Variants in AFF3 observed in about 807,000 individuals in gnomAD.
AFF3 encodes the protein AF4/FMR2 family member 3.
In AFF3, 32 loss-of-function variants were observed where a neutral mutation model predicts 129.7. The observed-to-expected ratio is 0.25, with a 90% CI of 0.19 to 0.33. The LOEUF is 0.33. AFF3 is among the 10% of genes least tolerant of loss of function. AFF3 has a pLI of 1.00. For synonymous variants in AFF3, 644 were observed against 635.4 expected (o/e 1.01, Z -0.20); for missense variants, 1,373 against 1,592.0 (o/e 0.86, Z 2.34).
At chr2:100,021,912 A>C (rs891473987) in intron 4 of AFF3, among the ~76,000 whole-genome samples, 1 of 152,208 alleles carries the variant, frequency 6.6e-6, no homozygotes, top group African/African-American at 2.4e-5. Flanking sequence ...ATATTATTTA[A>C]TGCTCATTAT....
chr2:99,948,587 C>T (rs952236121), intron 7 of AFF3, among the ~76,000 whole-genome samples: 2 of 152,154 alleles, frequency 1.3e-5, no homozygotes, highest in South Asian at 2.1e-4. Flanking sequence ...GGTGCTCTAA[C>T]TTAAATCAGC....
intron 11 of AFF3, among the ~76,000 whole-genome samples, chr2:99,689,391 T>G (rs765259786): frequency 2.0e-5 from 3 of 152,150 alleles, no homozygotes; most frequent in African/African-American, 4.8e-5. Flanking sequence ...CCTTCCTGCC[T>G]GATGCCCTTC....
intron 10 of AFF3, among the ~76,000 whole-genome samples, chr2:99,740,739 G>A (rs4602264): frequency 0.72 from 105,110 of 145,140 alleles, 38,743 homozygotes; most frequent in East Asian, 0.91. Context: ...AGTAGGTTGT[G>A]AAAATTTTCT....
At chr2:99,567,451 T>C (rs1676078433) in intron 19 of AFF3, among the ~76,000 whole-genome samples, 1 of 152,128 alleles carries the variant, frequency 6.6e-6, no homozygotes, top group Non-Finnish European at 1.5e-5. Flanking sequence ...CAGTTCAAAG[T>C]GCAAGGCAGT....
Position 99,959,170 on chromosome 2 carries a change from A to C in AFF3, c.873+47462T>G, listed in dbSNP as rs535996114. Among the ~76,000 whole-genome samples, 25 of 152,176 alleles carry C rather than the reference A, an allele frequency of 1.6e-4. 1 individual carries two copies. In the South Asian group the frequency reaches 5.0e-3, roughly 30 times the overall value. On this transcript the variant is annotated intron_variant, in intron 7 of 24. Coordinates refer to ENST00000672756, the MANE Select transcript of AFF3 (RefSeq NM_001386135.1). ...AAAGACCAAATGCTCTTAGGGAAGA[A>C]AAAGGAGGTAGCAATTTAATCAGCT...
At chr2:100,022,826 G>C (rs944633791) in intron 4 of AFF3, among the ~76,000 whole-genome samples, 2 of 151,580 alleles carry the variant, frequency 1.3e-5, no homozygotes, top group Non-Finnish European at 2.9e-5. Context: ...AATGTGAAGA[G>C]AGCCCATGAA....
chr2:99,962,505 C>A (rs1677324613), intron 7 of AFF3, among the ~76,000 whole-genome samples: 1 of 152,132 alleles, frequency 6.6e-6, no homozygotes, highest in Admixed American at 6.5e-5. Context: ...AATACTTCAA[C>A]AATGAACTAT....
intron 4 of AFF3, among the ~76,000 whole-genome samples, chr2:100,009,867 C>A (rs990070818): frequency 1.3e-5 from 2 of 152,144 alleles, no homozygotes; most frequent in Admixed American, 6.5e-5. Flanking sequence ...CCAACACTAC[C>A]AATCAAAAAG....
At chr2:99,573,227 C>A (rs780474836) in intron 18 of AFF3, among the ~76,000 whole-genome samples, 1 of 152,042 alleles carries the variant, frequency 6.6e-6, no homozygotes, top group Non-Finnish European at 1.5e-5. Context: ...CGCACCCTGT[C>A]CCCCGCACCC....
chr2:99,855,538 A>C (rs1005987439), intron 7 of AFF3, among the ~76,000 whole-genome samples: 2 of 152,210 alleles, frequency 1.3e-5, no homozygotes, highest in African/African-American at 4.8e-5. Context: ...CTAATGGCTA[A>C]AGCTAGAACA....
intron 2 of AFF3, chr2:100,106,676 C>T: frequency 1.0e-6 from 1 of 986,234 alleles, no homozygotes; most frequent in Non-Finnish European, 1.2e-6. Flanking sequence ...TGGGAAGCTT[C>T]TTCAGAAAGG....
Position 99,660,669 on chromosome 2 carries a change from T to A in AFF3, c.1144-11003A>T, listed in dbSNP as rs576185676. Among the ~76,000 whole-genome samples the A allele has an allele frequency of 2.6e-5, 4 of 152,360 alleles. No individual in the cohort carries two copies. In the South Asian group the frequency reaches 8.3e-4, roughly 32 times the overall value. ...GAGGTACTCAGAGAAATAATGTGAA[T>A]CAGATCTCTCCAGAGAATCAGATCT... On this transcript the variant is annotated intron_variant, in intron 12 of 24. Coordinates refer to ENST00000672756, the MANE Select transcript of AFF3 (RefSeq NM_001386135.1).
At chr2:100,112,236 T>C (rs1417460422) in intron 2 of AFF3, 1 of 152,200 alleles carries the variant, frequency 6.6e-6, no homozygotes, top group African/African-American at 2.4e-5. Flanking sequence ...CACATGGCCA[T>C]GGAGATGAGA....
intron 8 of AFF3, among the ~76,000 whole-genome samples, chr2:99,800,467 G>A (rs192404283): frequency 6.6e-6 from 1 of 152,298 alleles, no homozygotes; most frequent in African/African-American, 2.4e-5. Flanking sequence ...TGGTAGAGAT[G>A]TAAAATGATA....
At chr2:99,891,873 AGT>A (rs2106086113) in intron 7 of AFF3, among the ~76,000 whole-genome samples, 1 of 151,054 alleles carries the variant, frequency 6.6e-6, no homozygotes, top group Non-Finnish European at 1.5e-5. Flanking sequence ...CCCAGGCTGG[AGT>A]GCACTGGCAT....
rs940814642 is a variant in AFF3 at position 99,546,429 on chromosome 2, C to T, written c.*5045G>A. On this transcript the variant is annotated 3_prime_UTR_variant, in exon 25 of 25. Coordinates refer to ENST00000672756, the MANE Select transcript of AFF3 (RefSeq NM_001386135.1). Reference sequence around the variant, plus strand: ...ATGAGGACTCAACTGAACTGCCCATCTGCAAACAAACCCTTTCTGCATTTT... The same window carrying T: ...ATGAGGACTCAACTGAACTGCCCATTTGCAAACAAACCCTTTCTGCATTTT... The T allele has an allele frequency of 8.6e-6, 2 of 232,918 alleles. No homozygotes were observed. Among genetic ancestry groups the T allele is most frequent in the Non-Finnish European group, 1.7e-5 (2 of 117,914 alleles). The allele number at this position is 232,918 out of a possible 1,614,324, so 14.4% of individuals were successfully genotyped here.
intron 11 of AFF3, among the ~76,000 whole-genome samples, chr2:99,705,899 A>C (rs1449339672): frequency 1.3e-5 from 2 of 149,488 alleles, no homozygotes; most frequent in Non-Finnish European, 3.0e-5. Flanking sequence ...AAAAAAAAAA[A>C]ACACGCCCTT....
intron 8 of AFF3, among the ~76,000 whole-genome samples, chr2:99,791,241 G>A (rs571175479): frequency 4.6e-5 from 7 of 152,218 alleles, no homozygotes; most frequent in African/African-American, 1.4e-4. Context: ...GTTGTCCCTC[G>A]CTACCCTTGG....
intron 13 of AFF3, among the ~76,000 whole-genome samples, chr2:99,646,951 A>G (rs759158738): frequency 6.6e-6 from 1 of 152,224 alleles, no homozygotes; most frequent in Non-Finnish European, 1.5e-5. Flanking sequence ...GAATTAGTAG[A>G]GAATAGACAA....
Sources: gnomAD v4.1 joint callset for allele counts (sites outside exome capture counted in the v4.1 genomes callset) on GRCh38, gnomAD v4.1.1 for gene constraint, MANE v1.5 for transcripts, NCBI Gene and HGNC (gene_info 2026-07-23, HGNC 2026-07-21) for gene names.